PDE4D: variants seen among roughly 807,000 people sequenced by gnomAD.
The protein encoded by PDE4D is phosphodiesterase 4D.
In PDE4D, 24 loss-of-function variants were observed where a neutral mutation model predicts 87.4. The observed-to-expected ratio is 0.27, with a 90% CI of 0.20 to 0.39. The LOEUF (loss-of-function observed/expected upper bound fraction) is 0.39. Among genes scored for constraint, PDE4D ranks in the 10% least tolerant of loss-of-function variants. PDE4D has a pLI of 1.00. For synonymous variants in PDE4D, 384 were observed against 383.2 expected (o/e 1.00, Z -0.02); for missense variants, 714 against 1,041.0 (o/e 0.69, Z 4.32).
intron 4 of PDE4D, among the ~76,000 whole-genome samples, chr5:59,184,568 A>C (rs1324952366): frequency 6.6e-6 from 1 of 152,026 alleles, no homozygotes; most frequent in African/African-American, 2.4e-5. Flanking sequence ...TTTTTTAAAA[A>C]AATGGACATT....
chr5:59,251,035 G>A lies in PDE4D; in HGVS notation c.456-35067C>T, dbSNP rs72644098. 0.031 allele frequency among the ~76,000 whole-genome samples: 4,704 copies of A among 152,164 alleles called. 763 individuals are homozygous for A. The East Asian group carries it at 0.5, about 16-fold the overall frequency. On this transcript the variant is annotated intron_variant, in intron 1 of 14. Coordinates refer to ENST00000340635, the MANE Select transcript of PDE4D (RefSeq NM_001104631.2). The stretch of plus-strand genomic sequence containing the variant: ...CATACACACAAAAAAATTCAAGATG[G>A]ATTAAAGACTTAAATATAAAACCCA...
chr5:59,369,041 T>C (rs1229989669), intron 1 of PDE4D, among the ~76,000 whole-genome samples: 1 of 152,222 alleles, frequency 6.6e-6, no homozygotes, highest in South Asian at 2.1e-4. Context: ...GTGCTTTCTA[T>C]GTAAATGCAA....
intron 1 of PDE4D, among the ~76,000 whole-genome samples, chr5:59,220,838 G>A (rs1031679983): frequency 6.6e-6 from 1 of 150,432 alleles, no homozygotes; most frequent in Non-Finnish European, 1.5e-5. Context: ...TGGATGTGGT[G>A]AATTCTCTTT....
chr5:59,836,569 C>A (rs543810149), intron 1 of PDE4D, among the ~76,000 whole-genome samples: 1 of 152,032 alleles, frequency 6.6e-6, no homozygotes, highest in African/African-American at 2.4e-5. Context: ...GCCCTGCAGC[C>A]ATTTTGAGGC....
At chr5:59,140,981 ATCT>A (rs1201670584) in intron 5 of PDE4D, among the ~76,000 whole-genome samples, 1 of 152,222 alleles carries the variant, frequency 6.6e-6, no homozygotes, top group African/African-American at 2.4e-5. Flanking sequence ...ATCAGGAATG[ATCT>A]TCTATTTTTA....
intron 6 of PDE4D, among the ~76,000 whole-genome samples, chr5:59,018,289 C>T (rs1467350033): frequency 6.6e-6 from 1 of 152,218 alleles, no homozygotes; most frequent in Non-Finnish European, 1.5e-5. Flanking sequence ...TCAGAATGCA[C>T]TGATCTGACA....
intron 7 of PDE4D, among the ~76,000 whole-genome samples, chr5:58,992,261 T>C (rs932190996): frequency 6.6e-6 from 1 of 152,146 alleles, no homozygotes; most frequent in African/African-American, 2.4e-5. Context: ...TTTGATACAA[T>C]GTCCTAATAA....
intron 5 of PDE4D, among the ~76,000 whole-genome samples, chr5:59,165,279 C>G (rs192189527): frequency 6.6e-6 from 1 of 151,582 alleles, no homozygotes; most frequent in Non-Finnish European, 1.5e-5. Flanking sequence ...TCATAAATAT[C>G]TTTTTTTTTC....
chr5:59,096,189 A>G (rs1174015067), intron 5 of PDE4D, among the ~76,000 whole-genome samples: 1 of 152,128 alleles, frequency 6.6e-6, no homozygotes, highest in African/African-American at 2.4e-5. Flanking sequence ...GGGCAGAGCA[A>G]TGGTTTTTTT....
intron 1 of PDE4D, among the ~76,000 whole-genome samples, chr5:59,568,843 G>GA (rs1350401326): frequency 2.0e-5 from 3 of 151,768 alleles, no homozygotes; most frequent in East Asian, 1.9e-4. Flanking sequence ...CCCTGGAATA[G>GA]AAAAAAAGAA....
At chr5:59,771,689 G>A (rs1432581522) in intron 1 of PDE4D, among the ~76,000 whole-genome samples, 3 of 152,180 alleles carry the variant, frequency 2.0e-5, no homozygotes, top group African/African-American at 7.2e-5. Context: ...CTCACAAATA[G>A]TATGCCATGT....
intron 2 of PDE4D, among the ~76,000 whole-genome samples, chr5:60,044,090 T>C (rs1768865024): frequency 6.6e-6 from 1 of 152,076 alleles, no homozygotes; most frequent in Non-Finnish European, 1.5e-5. Context: ...TGACTAGGTG[T>C]GGACTTTTTT....
intron 2 of PDE4D, among the ~76,000 whole-genome samples, chr5:60,088,938 A>G (rs1774818878): frequency 6.6e-6 from 1 of 152,110 alleles, no homozygotes; most frequent in Non-Finnish European, 1.5e-5. Flanking sequence ...CTTCATCTGT[A>G]AAGACATTCA....
At chr5:59,414,364 A>T (rs1302496658) in intron 1 of PDE4D, among the ~76,000 whole-genome samples, 2 of 152,328 alleles carry the variant, frequency 1.3e-5, no homozygotes, top group East Asian at 1.9e-4. Flanking sequence ...AGTGAATTGC[A>T]TCATGCTCCG....
At chr5:59,281,335 T>G (rs1765765342) in intron 1 of PDE4D, among the ~76,000 whole-genome samples, 1 of 152,124 alleles carries the variant, frequency 6.6e-6, no homozygotes, top group African/African-American at 2.4e-5. Context: ...TACCTTTCTG[T>G]TTTTTGTACT....
At chr5:59,731,753 G>C (rs1220328406) in intron 1 of PDE4D, among the ~76,000 whole-genome samples, 1 of 152,024 alleles carries the variant, frequency 6.6e-6, no homozygotes, top group Non-Finnish European at 1.5e-5. Flanking sequence ...GTTTCCTTCA[G>C]TCATTTCTTT....
intron 1 of PDE4D, among the ~76,000 whole-genome samples, chr5:59,886,239 T>A (rs918635560): frequency 5.3e-5 from 8 of 152,174 alleles, no homozygotes; most frequent in Non-Finnish European, 1.0e-4. Flanking sequence ...ATACGAAAGC[T>A]ATGGGAAAGC....
At chr5:59,714,920 G>A (rs2150526592) in intron 1 of PDE4D, among the ~76,000 whole-genome samples, 1 of 152,364 alleles carries the variant, frequency 6.6e-6, no homozygotes, top group South Asian at 2.1e-4. Flanking sequence ...GACCAAGGGT[G>A]CTCATTTGAG....
At chr5:60,258,678 A>G (rs534484359) in intron 1 of PDE4D, among the ~76,000 whole-genome samples, 1 of 152,092 alleles carries the variant, frequency 6.6e-6, no homozygotes, top group Admixed American at 6.6e-5. Context: ...AAAACCTCAT[A>G]AGAAACATAA....
Sources: allele counts gnomAD v4.1 joint callset (sites outside exome capture counted in the v4.1 genomes callset), GRCh38; gene constraint gnomAD v4.1.1; transcripts MANE v1.5; gene names NCBI Gene and HGNC (gene_info 2026-07-23, HGNC 2026-07-21).